The following PROCR variants were observed in gnomAD, a reference collection of about 807,000 sequenced individuals.
The protein encoded by PROCR is protein C receptor, also known as endothelial protein C receptor.
A neutral mutation model predicts 24.2 loss-of-function variants in PROCR; 22 were observed. The ratio of observed to expected loss-of-function variants is 0.91; its 90% CI spans 0.65 to 1.30. PROCR has a LOEUF of 1.30. Among genes scored for constraint, PROCR ranks in the 50% most tolerant of loss-of-function variants. The pLI, the probability that PROCR is intolerant of heterozygous loss-of-function variation, is 0.00. For missense variants in PROCR, 288 were observed against 307.7 expected, an observed-to-expected ratio of 0.94 and a Z score of 0.48; for synonymous variants, 137 against 139.2, an observed-to-expected ratio of 0.98 and a Z score of 0.11.
chr20:35,195,288 A>G (rs963734665), intron 1 of PROCR: 19 of 152,208 alleles, frequency 1.2e-4, no homozygotes, highest in African/African-American at 4.6e-4. Context: ...AGAGAAAAAA[A>G]TATTTTAAAA....
intron 1 of PROCR, among the ~76,000 whole-genome samples, chr20:35,190,566 C>T (rs2086165362): frequency 6.6e-6 from 1 of 152,092 alleles, no homozygotes; most frequent in Non-Finnish European, 1.5e-5. Context: ...TGTAGTTTTT[C>T]TTATTTCCTT....
chr20:35,203,056 C>T (rs1156409721), intron 1 of PROCR: 1 of 148,052 alleles, frequency 6.8e-6, no homozygotes. Flanking sequence ...GGCAGTGGAT[C>T]ACCTCAGGTC....
chr20:35,191,312 GAATTACTA>G (rs1247771080), intron 1 of PROCR, among the ~76,000 whole-genome samples: 1 of 152,116 alleles, frequency 6.6e-6, no homozygotes, highest in Non-Finnish European at 1.5e-5. Context: ...CGGGTCACTA[GAATTACTA>G]AATAAGAAAA....
intron 1 of PROCR, among the ~76,000 whole-genome samples, chr20:35,173,971 G>A (rs1388211771): frequency 6.6e-6 from 1 of 152,198 alleles, no homozygotes; most frequent in Non-Finnish European, 1.5e-5. Flanking sequence ...GAATGGCTGA[G>A]TGCTGGACTT....
At chr20:35,186,266 G>A (rs1396837092) in intron 1 of PROCR, among the ~76,000 whole-genome samples, 5 of 152,140 alleles carry the variant, frequency 3.3e-5, no homozygotes, top group Admixed American at 3.3e-4. Flanking sequence ...ACACGGATGA[G>A]CCTTAAAAAC....
At chr20:35,179,346 A>G (rs1020540693), downstream of PROCR, among the ~76,000 whole-genome samples, 11 of 151,738 alleles carry the variant, frequency 7.2e-5, no homozygotes, top group African/African-American at 2.2e-4. Flanking sequence ...GTTTGAGACC[A>G]GCCTAGACAA....
intron 1 of PROCR, among the ~76,000 whole-genome samples, chr20:35,183,302 T>C (rs2086095044): frequency 1.3e-5 from 2 of 152,184 alleles, no homozygotes; most frequent in South Asian, 2.1e-4. Flanking sequence ...CATGAATGGC[T>C]TAACACCATC....
At chr20:35,177,475 G>C (rs2086032918), downstream of PROCR, 3 of 797,550 alleles carry the variant, frequency 3.8e-6, no homozygotes, top group African/African-American at 5.3e-5. Context: ...TTGAGACAGA[G>C]TCTTGCTCTG....
At chr20:35,174,608 G>A (rs1437110969) in intron 1 of PROCR, 94 bp from the exon 2 acceptor site, 3 of 1,515,018 alleles carry the variant, frequency 2.0e-6, no homozygotes, top group Non-Finnish European at 2.7e-6. Context: ...GGTCGAGAAG[G>A]CGGGCGGCCA....
intron 1 of PROCR, among the ~76,000 whole-genome samples, chr20:35,197,432 T>C (rs2060302008): frequency 6.6e-6 from 1 of 152,176 alleles, no homozygotes; most frequent in Admixed American, 6.5e-5. Context: ...TTCCCTCACC[T>C]TTCTCCCTCT....
chr20:35,173,669 A>G (rs1281285899), intron 1 of PROCR, among the ~76,000 whole-genome samples: 2 of 151,502 alleles, frequency 1.3e-5, no homozygotes, highest in African/African-American at 4.8e-5. Context: ...ACCTCAAGTG[A>G]TCCGCCCGCC....
chr20:35,202,203 A>G (rs2060321003), intron 1 of PROCR: 1 of 152,162 alleles, frequency 6.6e-6, no homozygotes, highest in Non-Finnish European at 1.5e-5. Context: ...CACATAAAGC[A>G]TGTTCTCTGG....
At chr20:35,200,808 C>T (rs2060315558) in intron 1 of PROCR, among the ~76,000 whole-genome samples, 1 of 152,014 alleles carries the variant, frequency 6.6e-6, no homozygotes, top group African/African-American at 2.4e-5. Context: ...CCACCATGCC[C>T]GGCTAATTTT....
Position 35,200,750 on chromosome 20 carries a change from G to T in PROCR, c.95-15143G>T, listed in dbSNP as rs559633800. Among the ~76,000 whole-genome samples the T allele has an allele frequency of 3.9e-5, 6 of 152,246 alleles. No homozygotes were observed. The South Asian group carries it at 8.3e-4, about 21-fold the overall frequency. On this transcript the variant is annotated intron_variant, in intron 1 of 1. Coordinates refer to the PROCR transcript ENST00000634509. ...CAATATGCACCTCCTGGGTTCCAGC[G>T]ATTCTCCTGCCTAAGCCACTTTGGT...
downstream of PROCR, among the ~76,000 whole-genome samples, chr20:35,178,757 C>T (rs1258751469): frequency 2.8e-5 from 4 of 144,146 alleles, no homozygotes; most frequent in Admixed American, 6.9e-5. Flanking sequence ...CCTCGTGATC[C>T]GCCCACCTCG....
chr20:35,171,832 C>A (rs971549737), upstream of PROCR, among the ~76,000 whole-genome samples: 1 of 152,060 alleles, frequency 6.6e-6, no homozygotes, highest in African/African-American at 2.4e-5. Context: ...AAGCCCTTCT[C>A]CCCCTTTTCC....
chr20:35,215,930 G>A, exon 2 of PROCR: 2 of 977,800 alleles, frequency 2.0e-6, no homozygotes, highest in Non-Finnish European at 2.4e-6. Context: ...GGGCGCAGTG[G>A]CTCACTCCTG....
In PROCR at chr20:35,196,794, TGG is replaced by T. The variant is rs1286561487; in HGVS notation, c.95-19098_95-19097del. Among the ~76,000 whole-genome samples, 20 of 152,234 alleles carry T rather than the reference TGG, an allele frequency of 1.3e-4. 1 individual carries two copies. The highest frequency in any genetic ancestry group is 4.6e-4 in the African/African-American group (19 of 41,532). On this transcript the variant is annotated intron_variant, in intron 1 of 1. Coordinates refer to the PROCR transcript ENST00000634509. ...AGAAATGAAGGAAGAGCAACAGAAT[TGG>T]TATATATCTGGATAAAGTTAGGTTA...
At chr20:35,199,206 A>T (rs1489877021) in intron 1 of PROCR, among the ~76,000 whole-genome samples, 2 of 152,222 alleles carry the variant, frequency 1.3e-5, no homozygotes, top group African/African-American at 2.4e-5. Flanking sequence ...CATAAATGGA[A>T]CAACAAAGCC....
Sources: gnomAD v4.1 joint callset for allele counts (sites outside exome capture counted in the v4.1 genomes callset) on GRCh38, gnomAD v4.1.1 for gene constraint, MANE v1.5 for transcripts, NCBI Gene and HGNC (gene_info 2026-07-23, HGNC 2026-07-21) for gene names.